Variants in LIMS2 observed in about 807,000 individuals in gnomAD.
LIMS2 encodes the protein LIM and senescent cell antigen-like-containing domain protein 2.
In LIMS2, 30 loss-of-function variants were observed where a neutral mutation model predicts 45.3. The observed-to-expected ratio is 0.66, with a 90% CI of 0.50 to 0.90. The LOEUF (loss-of-function observed/expected upper bound fraction) is 0.90. Ranked by LOEUF, LIMS2 falls within the 40% of genes least tolerant of loss-of-function variation. The pLI, the probability that LIMS2 is intolerant of heterozygous loss-of-function variation, is 0.00. For missense variants in LIMS2, 485 were observed against 468.7 expected (o/e 1.03, Z -0.32); for synonymous variants, 173 against 188.0 (o/e 0.92, Z 0.65).
chr2:127,677,265 G>A (rs767855539), upstream of LIMS2, among the ~76,000 whole-genome samples: 2 of 152,226 alleles, frequency 1.3e-5, no homozygotes, highest in South Asian at 2.1e-4. This position sits in a 1 kb window ranked among gnomAD's most constrained non-coding sequence, Gnocchi z 5.0. Flanking sequence ...AGTACTAGGG[G>A]GAGAAAGAAG....
rs562184093 is a variant in LIMS2 at position 127,647,751 on chromosome 2, T to C, written c.360-4679A>G. Reference sequence around the variant, plus strand: ...ACCTGTGTGCCCCTCCCATCTACCATGGGCTGTCCTCTCTGCTTGCCCATG... The same window carrying C: ...ACCTGTGTGCCCCTCCCATCTACCACGGGCTGTCCTCTCTGCTTGCCCATG... On this transcript the variant is annotated intron_variant, in intron 4 of 9. Coordinates refer to ENST00000355119, the MANE Select transcript of LIMS2 (RefSeq NM_001161403.3). This position sits in a 1 kb window ranked among gnomAD's most constrained non-coding sequence, Gnocchi z 4.3. 1.3e-5 allele frequency among the ~76,000 whole-genome samples: 2 copies of C among 152,124 alleles called. No homozygotes were observed. Among genetic ancestry groups the C allele is most frequent in the South Asian group, 4.2e-4 (2 of 4,816 alleles).
intron 1 of LIMS2, among the ~76,000 whole-genome samples, chr2:127,673,166 G>A (rs1307001587): frequency 6.6e-6 from 1 of 152,196 alleles, no homozygotes; most frequent in Admixed American, 6.5e-5. Context: ...AGGAGCGGGT[G>A]CATTACACTC....
At chr2:127,651,372 C>G (rs530340765) in intron 4 of LIMS2, 2 of 1,612,680 alleles carry the variant, frequency 1.2e-6, no homozygotes, top group East Asian at 4.5e-5. Context: ...CACCTGCTAC[C>G]TGCTGATCAT....
At chr2:127,649,116 TAAAG>T (rs763734930) in intron 4 of LIMS2, among the ~76,000 whole-genome samples, 16 of 103,764 alleles carry the variant, frequency 1.5e-4, no homozygotes, top group East Asian at 1.4e-3. Flanking sequence ...AAAAGGAAAA[TAAAG>T]AAAAGCAAGC....
At chr2:127,658,146 T>C (rs1684384589) in intron 1 of LIMS2, among the ~76,000 whole-genome samples, 1 of 152,200 alleles carries the variant, frequency 6.6e-6, no homozygotes, top group Admixed American at 6.5e-5. Context: ...CAGAGCACTG[T>C]GGGAGGCCAA....
intron 4 of LIMS2, chr2:127,644,084 G>A (rs749533167): frequency 1.1e-5 from 5 of 456,426 alleles, no homozygotes; most frequent in Non-Finnish European, 2.2e-5. Context: ...ACTGCTGGGT[G>A]TCTGGACTCC....
upstream of LIMS2, among the ~76,000 whole-genome samples, chr2:127,676,081 C>A (rs1290936781): frequency 6.6e-6 from 1 of 152,088 alleles, no homozygotes; most frequent in Non-Finnish European, 1.5e-5. Flanking sequence ...AATTTTCAAA[C>A]AAACAAAACA....
chr2:127,663,702 C>T (rs1396624891), intron 1 of LIMS2, among the ~76,000 whole-genome samples: 1 of 149,434 alleles, frequency 6.7e-6, no homozygotes, highest in East Asian at 2.0e-4. Flanking sequence ...ATGCCAAGGA[C>T]CCCAAGGTCA....
rs1416255251 is a variant in LIMS2 at position 127,664,540 on chromosome 2, G to T, written c.12-6978C>A. 3 of 1,151,234 alleles carry T rather than the reference G, an allele frequency of 2.6e-6. No homozygotes were observed. The African/African-American group carries it at 4.9e-5, about 19-fold the overall frequency. 71.3% of individuals were successfully genotyped at this position (1,151,234 alleles called of 1,614,324 possible). A position where few individuals can be genotyped will look rare whatever the true frequency, so the allele number is the denominator to read the frequency against. On this transcript the variant is annotated intron_variant, in intron 1 of 9. Transcript: ENST00000355119. This position sits in a 1 kb window ranked among gnomAD's most constrained non-coding sequence, Gnocchi z 5.5. ...TCCCCCGCGCTGGTCGCGAGCTCAC[G>T]TTACGCGCTGGGATCTCCAAAGGGC...
In LIMS2 at chr2:127,647,633, G is replaced by T. The variant is rs1683139787; in HGVS notation, c.360-4561C>A. Among the ~76,000 whole-genome samples, 1 of 151,906 alleles carries T rather than the reference G, an allele frequency of 6.6e-6. No homozygotes were observed. Among genetic ancestry groups the T allele is most frequent in the Admixed American group, 6.5e-5 (1 of 15,268 alleles). Reference sequence around the variant, plus strand: ...CTTCCCACCCCCAGGTTCTAACAAGGGCCCCTCACTCACTGGGCCCCCTCT... The same window carrying T: ...CTTCCCACCCCCAGGTTCTAACAAGTGCCCCTCACTCACTGGGCCCCCTCT... On this transcript the variant is annotated intron_variant, in intron 4 of 9. Coordinates refer to ENST00000355119, the MANE Select transcript of LIMS2 (RefSeq NM_001161403.3). The surrounding 1 kb of genome is among the most constrained non-coding windows in gnomAD (Gnocchi z 4.3).
At chr2:127,648,994 A>G (rs1326322245) in intron 4 of LIMS2, among the ~76,000 whole-genome samples, 2 of 16,126 alleles carry the variant, frequency 1.2e-4, no homozygotes, top group Non-Finnish European at 2.4e-4. Flanking sequence ...GAGGGGAGGG[A>G]GGGGAGGGGA....
upstream of LIMS2, among the ~76,000 whole-genome samples, chr2:127,676,513 G>A (rs1433342779): frequency 6.8e-6 from 1 of 147,420 alleles, no homozygotes; most frequent in Admixed American, 6.9e-5. Flanking sequence ...CCAGGTTCAA[G>A]CGATTCTCCT....
At chr2:127,658,914 C>A (rs1332411201) in intron 1 of LIMS2, among the ~76,000 whole-genome samples, 1 of 152,210 alleles carries the variant, frequency 6.6e-6, no homozygotes, top group Non-Finnish European at 1.5e-5. Flanking sequence ...TCCCACCCAG[C>A]AGTCACTGCC....
chr2:127,639,463 C>T (rs766452195), intron 9 of LIMS2, 35 bp from the exon 10 acceptor site: 51 of 1,609,858 alleles, frequency 3.2e-5, no homozygotes, highest in Non-Finnish European at 4.0e-5. Context: ...CAGAGCCCCA[C>T]GCCCACCCCT....
At chr2:127,666,887 AC>A (rs981742420) in intron 1 of LIMS2, among the ~76,000 whole-genome samples, 4 of 151,878 alleles carry the variant, frequency 2.6e-5, no homozygotes, top group Admixed American at 6.6e-5. Context: ...GGGGGGAAAC[AC>A]CCCCATGATT....
intron 1 of LIMS2, among the ~76,000 whole-genome samples, chr2:127,659,802 C>G (rs927173003): frequency 7.2e-5 from 11 of 152,222 alleles, no homozygotes; most frequent in African/African-American, 2.7e-4. Context: ...CCCTCGCACC[C>G]CCTTCCAGGC....
chr2:127,668,327 A>G (rs888897022), intron 1 of LIMS2, among the ~76,000 whole-genome samples: 1 of 152,106 alleles, frequency 6.6e-6, no homozygotes, highest in Non-Finnish European at 1.5e-5. Flanking sequence ...CATTCCTAAA[A>G]TTTATATGAA....
chr2:127,639,998 G>C, intron 9 of LIMS2, 72 bp downstream of exon 9: 1 of 1,471,216 alleles, frequency 6.8e-7, no homozygotes, highest in Non-Finnish European at 9.5e-7. Flanking sequence ...GTGTGCAGGA[G>C]GGCTGCTGAG....
rs1272158406 is a variant in LIMS2 at position 127,647,053 on chromosome 2, C to A, written c.360-3981G>T. ...GTGGAGGGCAGTGCCCAGGCTGAGG[C>A]CCCCGGGCTGGAGGCAGGAGGCACC... On this transcript the variant is annotated intron_variant, in intron 4 of 9. Transcript: ENST00000355119. This position sits in a 1 kb window ranked among gnomAD's most constrained non-coding sequence, Gnocchi z 4.3. 1.3e-5 allele frequency among the ~76,000 whole-genome samples: 2 copies of A among 152,202 alleles called. No homozygotes were observed. The highest frequency in any genetic ancestry group is 2.9e-5 in the Non-Finnish European group (2 of 68,038).
Sources: gnomAD v4.1 joint callset for allele counts (sites outside exome capture counted in the v4.1 genomes callset) on GRCh38, gnomAD v4.1.1 for gene constraint, Gnocchi (gnomAD v3.1) non-coding constraint, MANE v1.5 for transcripts, NCBI Gene and HGNC (gene_info 2026-07-23, HGNC 2026-07-21) for gene names.